The following NDUFB6 variants were observed in gnomAD, a reference collection of about 807,000 sequenced individuals.
NDUFB6 encodes the protein NADH:ubiquinone oxidoreductase subunit B6.
NDUFB6 carries 23 observed loss-of-function variants against 17.5 expected under a neutral mutation model. That is an observed-to-expected ratio of 1.31 (90% confidence interval 0.94 to 1.86). NDUFB6 has a LOEUF of 1.86. NDUFB6 is among the 40% of genes most tolerant of loss of function. The pLI is 0.00. For missense variants in NDUFB6, 167 were observed against 153.8 expected, an observed-to-expected ratio of 1.09 and a Z score of -0.46; for synonymous variants, 60 against 53.5, an observed-to-expected ratio of 1.12 and a Z score of -0.53.
intron 1 of NDUFB6, among the ~76,000 whole-genome samples, chr9:32,572,537 T>G (rs1397332246): frequency 6.6e-6 from 1 of 152,208 alleles, no homozygotes; most frequent in Non-Finnish European, 1.5e-5. Flanking sequence ...CCTCAAATAC[T>G]TAAATCACAG....
intron 1 of NDUFB6, among the ~76,000 whole-genome samples, chr9:32,572,399 C>T (rs1821957119): frequency 6.6e-6 from 1 of 152,194 alleles, no homozygotes; most frequent in South Asian, 2.1e-4. Flanking sequence ...GGCATACCAA[C>T]AGGACCCTGT....
chr9:32,560,604 T>C (rs1821598262), intron 2 of NDUFB6, among the ~76,000 whole-genome samples: 1 of 152,214 alleles, frequency 6.6e-6, no homozygotes, highest in South Asian at 2.1e-4. Context: ...GCATAATTGA[T>C]TTGTGATTCT....
Position 32,572,999 on chromosome 9 carries a change from C to T in NDUFB6, c.62G>A (p.Arg21Gln), listed in dbSNP as rs762396944. The T allele has an allele frequency of 1.7e-5, 27 of 1,609,970 alleles. No homozygotes were observed. In the Admixed American group the frequency reaches 3.9e-4, roughly 23 times the overall value. ...RLQQLRELRR[R>Q]WLKDQELSPR... ...GCTCAGCTCCTGGTCCTTCAGCCAT[C>T]GCCTTCTCAGCTCTCGCAGCTGCTG... Residue 21 changes from arginine (R) to glutamine (Q), a missense_variant, in exon 1 of 4, where the codon CGA becomes CAA. Physicochemically the swap from Arg to Gln is conservative, Grantham distance 43. Coordinates refer to ENST00000379847, the MANE Select transcript of NDUFB6 (RefSeq NM_002493.5).
intron 2 of NDUFB6, chr9:32,566,554 C>A: frequency 1.3e-6 from 1 of 775,810 alleles, no homozygotes; most frequent in Non-Finnish European, 2.4e-6. Context: ...TAGCTGCCGT[C>A]GTACTGCACA....
chr9:32,570,888 T>C lies in NDUFB6; in HGVS notation c.273+72A>G, dbSNP rs978324562. On this transcript the variant is annotated intron_variant, in intron 2 of 3. Transcript: ENST00000379847. ...TAAGTGGCAGATTATTTCCACTAAG[T>C]AGGGTAAGATAGCCACAAAGAAAGT... 7.3e-6 allele frequency: 7 copies of C among 960,218 alleles called. No individual in the cohort carries two copies. In the South Asian group the frequency reaches 1.3e-4, roughly 17 times the overall value. The allele number at this position is 960,218 out of a possible 1,614,324, so 59.5% of individuals were successfully genotyped here.
chr9:32,558,719 A>G (rs1464161341), intron 3 of NDUFB6, among the ~76,000 whole-genome samples, 191 bp downstream of exon 3: 1 of 152,142 alleles, frequency 6.6e-6, no homozygotes, highest in Non-Finnish European at 1.5e-5. Flanking sequence ...TTTGAACTGT[A>G]ATTGTTACCT....
intron 2 of NDUFB6, among the ~76,000 whole-genome samples, chr9:32,564,370 C>T (rs1427297302): frequency 6.6e-6 from 1 of 152,090 alleles, no homozygotes; most frequent in African/African-American, 2.4e-5. Flanking sequence ...CTGCACTTCA[C>T]ATATATTGTG....
intron 2 of NDUFB6, chr9:32,566,242 T>C (rs1821785599): frequency 2.0e-6 from 2 of 994,828 alleles, no homozygotes; most frequent in Admixed American, 3.4e-5. Context: ...GGTGGTTTTC[T>C]TATGGCAGAC....
intron 2 of NDUFB6, chr9:32,565,605 T>C (rs1178537556): frequency 6.6e-6 from 1 of 152,598 alleles, no homozygotes; most frequent in East Asian, 1.9e-4. Context: ...TTCTTATCCC[T>C]ACTGACGACT....
In NDUFB6 at chr9:32,572,979, G is replaced by A; in HGVS notation, c.82C>T (p.Leu28=). 1 of 1,611,986 alleles carries A rather than the reference G, an allele frequency of 6.2e-7. No homozygotes were observed. Among genetic ancestry groups the A allele is most frequent in the Non-Finnish European group, 8.5e-7 (1 of 1,178,946 alleles). Residue 28 remains leucine (L), a synonymous_variant, in exon 1 of 4, where the codon CTG becomes TTG. Coordinates refer to ENST00000379847, the MANE Select transcript of NDUFB6 (RefSeq NM_002493.5). ...GGCAGCACCGGCTCCCGAGGGCTCA[G>A]CTCCTGGTCCTTCAGCCATCGCCTT... is the stretch of plus-strand genomic sequence containing the variant. ...LRRRWLKDQE[L]SPREPVLPPQ...
rs576113516 is a variant in NDUFB6, at chr9:32,553,710, T to G, written c.*166A>C. 3.0e-5 allele frequency: 17 copies of G among 574,012 alleles called. No individual in the cohort carries two copies. The East Asian group carries it at 4.8e-4, about 16-fold the overall frequency. 35.6% of individuals were successfully genotyped at this position (574,012 alleles called of 1,614,324 possible). A position where few individuals can be genotyped will look rare whatever the true frequency, so the allele number is the denominator to read the frequency against. The stretch of plus-strand genomic sequence containing the variant: ...ATATTTGTTTAGCATGTCCACTTTT[T>G]ACTTATTGTTAAATTACTCAGTCTC... On this transcript the variant is annotated 3_prime_UTR_variant, in exon 4 of 4. Transcript: ENST00000379847.
intron 2 of NDUFB6, among the ~76,000 whole-genome samples, chr9:32,564,059 G>C (rs1286212211): frequency 6.6e-6 from 1 of 152,136 alleles, no homozygotes; most frequent in Non-Finnish European, 1.5e-5. Context: ...TAGCTTCTAA[G>C]TGTGCTAATT....
At chr9:32,568,971 G>C (rs1295181679) in intron 2 of NDUFB6, among the ~76,000 whole-genome samples, 1 of 151,654 alleles carries the variant, frequency 6.6e-6, no homozygotes, top group Non-Finnish European at 1.5e-5. Flanking sequence ...GGGTGGTCTT[G>C]AACTCCTGAC....
At position 32,557,180 on chromosome 9, in the gene NDUFB6, C is replaced by T. The variant is rs1312838545; in HGVS notation, c.318+1730G>A. Among the ~76,000 whole-genome samples, 39 of 114,834 alleles carry T rather than the reference C, an allele frequency of 3.4e-4. No homozygotes were observed. In the East Asian group the frequency reaches 8.1e-3, roughly 24 times the overall value. The allele number at this position is 114,834 out of a possible 152,430, so 75.3% of individuals were successfully genotyped here. ...GCCCCCACTTTTTTTTTTTTTTTTT[C>T]CCGAGACAGAGTCTCACTCTGTGAC... On this transcript the variant is annotated intron_variant, in intron 3 of 3. Transcript: ENST00000379847.
rs761761439 is a variant in NDUFB6, at chr9:32,572,869, T to A, written c.180+12A>T. On this transcript the variant is annotated intron_variant, in intron 1 of 3. Coordinates refer to ENST00000379847, the MANE Select transcript of NDUFB6 (RefSeq NM_002493.5). Reference sequence around the variant, plus strand: ...GATGTGTTGGGGGGGACCGGAGAGGTCTGTCACTCACCATTTTCCTCCAAG... The same window carrying A: ...GATGTGTTGGGGGGGACCGGAGAGGACTGTCACTCACCATTTTCCTCCAAG... 6 of 1,552,648 alleles carry A rather than the reference T, an allele frequency of 3.9e-6. No homozygotes were observed. The highest frequency in any genetic ancestry group is 2.3e-5 in the East Asian group (1 of 42,970).
chr9:32,553,744 CA>C lies in NDUFB6; in HGVS notation c.*131del, dbSNP rs1366898002. The C allele has an allele frequency of 1.5e-6, 1 of 658,424 alleles. No individual in the cohort carries two copies. The allele number at this position is 658,424 out of a possible 1,614,324, so 40.8% of individuals were successfully genotyped here. A position where few individuals can be genotyped will look rare whatever the true frequency, so the allele number is the denominator to read the frequency against. Reference sequence around the variant, plus strand: ...TTAAATTACTCAGTCTCAAATTGTACAATGCTTGAAAACAGATATGACAATT... The same window carrying C: ...TTAAATTACTCAGTCTCAAATTGTACATGCTTGAAAACAGATATGACAATT... On this transcript the variant is annotated 3_prime_UTR_variant, in exon 4 of 4. Coordinates refer to ENST00000379847, the MANE Select transcript of NDUFB6 (RefSeq NM_002493.5).
chr9:32,573,113 T>G lies in NDUFB6; in HGVS notation c.-53A>C. 6.8e-7 allele frequency: 1 copy of G among 1,464,680 alleles called. No homozygotes were observed. Among genetic ancestry groups the G allele is most frequent in the South Asian group, 1.4e-5 (1 of 72,818 alleles). The allele number at this position is 1,464,680 out of a possible 1,614,324, so 90.7% of individuals were successfully genotyped here. A position where few individuals can be genotyped will look rare whatever the true frequency, so the allele number is the denominator to read the frequency against. On this transcript the variant is annotated 5_prime_UTR_variant, in exon 1 of 4. Coordinates refer to ENST00000379847, the MANE Select transcript of NDUFB6 (RefSeq NM_002493.5). ...CACGGCGCACCCTCGAACTACGGAC[T>G]AGTTACTTAAGCGCGCTCCCGCTCT...
chr9:32,569,455 T>C (rs1563998364), intron 2 of NDUFB6, among the ~76,000 whole-genome samples: 1 of 152,126 alleles, frequency 6.6e-6, no homozygotes, highest in Non-Finnish European at 1.5e-5. Flanking sequence ...CTTGACCTCG[T>C]GATCCACCCG....
chr9:32,553,070 G>T lies in NDUFB6; in HGVS notation c.*806C>A, dbSNP rs1331536575. ...CTAGTATGCAAATTTTTCACTTAGA[G>T]ATTTTAGTATTTTACATTCTCATGA... On this transcript the variant is annotated 3_prime_UTR_variant, in exon 4 of 4. Transcript: ENST00000379847. 5.8e-6 allele frequency: 3 copies of T among 517,908 alleles called. No homozygotes were observed. Among genetic ancestry groups the T allele is most frequent in the Non-Finnish European group, 1.0e-5 (3 of 293,180 alleles). The allele number at this position is 517,908 out of a possible 1,614,324, so 32.1% of individuals were successfully genotyped here.
Sources: gnomAD v4.1 joint callset for allele counts (sites outside exome capture counted in the v4.1 genomes callset) on GRCh38, gnomAD v4.1.1 for gene constraint, MANE v1.5 for transcripts, NCBI Gene and HGNC (gene_info 2026-07-23, HGNC 2026-07-21) for gene names.